BTN3A2: variants seen among roughly 807,000 people sequenced by gnomAD.
The protein encoded by BTN3A2 is butyrophilin protein.
In BTN3A2, 25 loss-of-function variants were observed where a neutral mutation model predicts 37.6. That is an observed-to-expected ratio of 0.66 (90% CI 0.48 to 0.93). The LOEUF (loss-of-function observed/expected upper bound fraction) is 0.93, where lower values mean the gene tolerates loss of function less well. Ranked by LOEUF, BTN3A2 falls within the 40% of genes least tolerant of loss-of-function variation. The pLI is 0.00. For synonymous variants in BTN3A2, 122 were observed against 159.4 expected, an observed-to-expected ratio of 0.77 and a Z score of 1.77; for missense variants, 266 against 410.9, an observed-to-expected ratio of 0.65 and a Z score of 3.05.
Position 26,375,472 on chromosome 6 carries a change from A to C in BTN3A2, c.*35-325A>C, listed in dbSNP as rs1405738551. ...TGGCAGGGAGGAAGCAGGAAATTAA[A>C]CGGTGTGTATCTCCTTTCTTTCTCC... is the stretch of plus-strand genomic sequence containing the variant. On this transcript the variant is annotated intron_variant, in intron 10 of 10. Transcript: ENST00000377708. The C allele has an allele frequency of 1.3e-5, 8 of 604,194 alleles. No homozygotes were observed. In the Admixed American group the frequency reaches 2.2e-4, roughly 17 times the overall value. The allele number at this position is 604,194 out of a possible 1,614,324, so 37.4% of individuals were successfully genotyped here.
At chr6:26,375,592 C>G in intron 10 of BTN3A2, 1 of 1,495,670 alleles carries the variant, frequency 6.7e-7, no homozygotes. Flanking sequence ...GGACAGATTC[C>G]TGGGGTCCAG....
chr6:26,369,382 G>C (rs1203022781), intron 4 of BTN3A2, among the ~76,000 whole-genome samples: 1 of 152,184 alleles, frequency 6.6e-6, no homozygotes, highest in African/African-American at 2.4e-5. Flanking sequence ...CTTACGTGTT[G>C]CAGTGAGGAA....
At chr6:26,373,237 CTT>C (rs750198408) in intron 6 of BTN3A2, 37 bp from the exon 7 acceptor site, 222,097 of 1,249,682 alleles carry the variant, frequency 0.18, 296 homozygotes, top group Non-Finnish European at 0.19. Context: ...AACAGTTCAT[CTT>C]TTTTTTTTTT....
rs200421033 is a variant in BTN3A2, at chr6:26,374,393, T to A, written c.*6+20T>A. 1.0e-4 allele frequency: 167 copies of A among 1,609,910 alleles called. No homozygotes were observed. The highest frequency in any genetic ancestry group is 4.3e-4 in the Admixed American group (26 of 59,996). ...TGCTCTGTAAGTTTGCTGGGTCACA[T>A]GCCCTGAATATTTCAACTTTTTCTC... On this transcript the variant is annotated intron_variant, in intron 9 of 10. Coordinates refer to ENST00000377708, the MANE Select transcript of BTN3A2 (RefSeq NM_007047.5).
intron 4 of BTN3A2, among the ~76,000 whole-genome samples, chr6:26,369,621 A>G (rs919470706): frequency 6.6e-6 from 1 of 152,156 alleles, no homozygotes; most frequent in African/African-American, 2.4e-5. Flanking sequence ...CAAAAGCTGT[A>G]ATTGATGAAG....
At position 26,368,727 on chromosome 6, in the gene BTN3A2, A is replaced by G. The variant is rs757552389; in HGVS notation, c.248A>G (p.Lys83Arg). ...GTGGTGAACGTGTATGCAGATGGAAAGGAAGTGGAAGACAGGCAGAGTGCA... is the reference window on the plus strand; with the variant it reads ...GTGGTGAACGTGTATGCAGATGGAAGGGAAGTGGAAGACAGGCAGAGTGCA... ...RQVVNVYADG[K>R]EVEDRQSAPY... The change falls in exon 4 of 11, where the codon AAG (lysine) becomes AGG (arginine). Residue 83 changes from lysine to arginine, a missense_variant. This residue lies in a region of BTN3A2 where 15 missense variants were observed against 101.0 expected (regional missense o/e 0.15). Transcript: ENST00000377708. 1 of 1,613,848 alleles carries G rather than the reference A, an allele frequency of 6.2e-7. No individual in the cohort carries two copies. The highest frequency in any genetic ancestry group is 8.5e-7 in the Non-Finnish European group (1 of 1,179,872).
In BTN3A2 at chr6:26,368,890, C is replaced by T. The variant is rs184781347; in HGVS notation, c.411C>T (p.Ala137=). The change falls in exon 4 of 11, where the codon GCC becomes GCT. Residue 137 remains alanine (A), a synonymous_variant. Transcript: ENST00000377708. Reference sequence around the variant, plus strand: ...AAGATGGTGACTTCTATGAAAAAGCCCTGGTGGAGCTGAAGGTTGCAGGTG... The same window carrying T: ...AAGATGGTGACTTCTATGAAAAAGCTCTGGTGGAGCTGAAGGTTGCAGGTG... ...YFQDGDFYEK[A]LVELKVAALG... is the part of the protein sequence containing the mutation. The T allele has an allele frequency of 5.8e-6, 9 of 1,562,806 alleles. No individual in the cohort carries two copies. The highest frequency in any genetic ancestry group is 4.6e-5 in the East Asian group (2 of 43,544).
chr6:26,370,297 T>G (rs751533389), intron 4 of BTN3A2, 25 bp from the exon 5 acceptor site: 5 of 1,611,712 alleles, frequency 3.1e-6, no homozygotes, highest in Non-Finnish European at 8.5e-7. Flanking sequence ...CTATCCAGAA[T>G]TTAGGCCAAA....
rs71544679 is a variant in BTN3A2, at chr6:26,376,215, G to GAAAAAAAAAA, written c.*465_*474dup. 9 of 75,404 alleles carry GAAAAAAAAAA rather than the reference G, an allele frequency of 1.2e-4. No homozygotes were observed. The highest frequency in any genetic ancestry group is 4.6e-4 in the East Asian group (1 of 2,192). 4.7% of individuals were successfully genotyped at this position (75,404 alleles called of 1,614,324 possible). On this transcript the variant is annotated 3_prime_UTR_variant, in exon 11 of 11. Coordinates refer to ENST00000377708, the MANE Select transcript of BTN3A2 (RefSeq NM_007047.5). ...GAGACAGAGCGAGACTCTGTCTCAA[G>GAAAAAAAAAA]AAAAAAAAAAAAAAAAAAAAAGAAA...
chr6:26,375,856 T>C lies in BTN3A2; in HGVS notation c.*94T>C, dbSNP rs1760668823. On this transcript the variant is annotated 3_prime_UTR_variant, in exon 11 of 11. Transcript: ENST00000377708. The stretch of plus-strand genomic sequence containing the variant: ...TAAATAAATTGGATGTATGGAAAAA[T>C]AGACTGCAGAAAAGGGGAACTCATT... 6.5e-6 allele frequency: 10 copies of C among 1,548,100 alleles called. No homozygotes were observed. In the South Asian group the frequency reaches 1.2e-4, roughly 18 times the overall value.
chr6:26,365,403 G>C (rs995732166), intron 1 of BTN3A2, 51 bp downstream of exon 1: 6 of 1,533,760 alleles, frequency 3.9e-6, no homozygotes, highest in East Asian at 4.9e-5. Flanking sequence ...TGGGAGGAGC[G>C]GGGCTGAATC....
At chr6:26,373,591 A>G in intron 8 of BTN3A2, 178 bp downstream of exon 8, 4 of 355,840 alleles carry the variant, frequency 1.1e-5, no homozygotes, top group South Asian at 7.3e-5. Flanking sequence ...CTCTCTAGAA[A>G]AAAAAAAAAA....
At position 26,377,220 on chromosome 6, in the gene BTN3A2, C is replaced by T; in HGVS notation, c.*1458C>T. 1 of 1,030,042 alleles carries T rather than the reference C, an allele frequency of 9.7e-7. No individual in the cohort carries two copies. Among genetic ancestry groups the T allele is most frequent in the South Asian group, 1.3e-5 (1 of 78,342 alleles). 63.8% of individuals were successfully genotyped at this position (1,030,042 alleles called of 1,614,324 possible). On this transcript the variant is annotated 3_prime_UTR_variant, in exon 11 of 11. Coordinates refer to ENST00000377708, the MANE Select transcript of BTN3A2 (RefSeq NM_007047.5). ...GGCTGAAGTAACATCTCTGCTTCTC[C>T]CTGCCCAGCCTGGAGCTAAGGGTCT...
At chr6:26,374,201 T>TAAAAAAA (rs34655395) in intron 8 of BTN3A2, 126 bp from the exon 9 acceptor site, 8 of 246,804 alleles carry the variant, frequency 3.2e-5, no homozygotes, top group African/African-American at 3.2e-4. Flanking sequence ...GGTGGGATGG[T>TAAAAAAA]AAAAAAAAAA....
At chr6:26,371,673 T>C (rs72841519) in intron 5 of BTN3A2, among the ~76,000 whole-genome samples, 16,212 of 152,056 alleles carry the variant, frequency 0.11, 936 homozygotes, top group Non-Finnish European at 0.11. Flanking sequence ...CTGTTTTTCG[T>C]TGTGTGTGTG....
Position 26,368,888 on chromosome 6 carries a change from G to GC in BTN3A2, c.412dup (p.Leu138ProfsTer12). 1 of 1,570,904 alleles carries GC rather than the reference G, an allele frequency of 6.4e-7. No individual in the cohort carries two copies. The highest frequency in any genetic ancestry group is 1.1e-5 in the South Asian group (1 of 88,558). On this transcript the variant is annotated frameshift_variant, in exon 4 of 11. Transcript: ENST00000377708. LOFTEE classifies it high-confidence loss of function. ...CCAAGATGGTGACTTCTATGAAAAAGCCCTGGTGGAGCTGAAGGTTGCAGG... is the reference window on the plus strand; with the variant it reads ...CCAAGATGGTGACTTCTATGAAAAAGCCCCTGGTGGAGCTGAAGGTTGCAGG...
Position 26,370,508 on chromosome 6 carries a change from C to T in BTN3A2, c.620C>T (p.Ser207Phe). Residue 207 changes from serine (S) to phenylalanine (F), a missense_variant, in exon 5 of 11, where the codon TCT becomes TTT. By Grantham distance (155) the Ser-to-Phe change is radical (BLOSUM62 -2). Coordinates refer to ENST00000377708, the MANE Select transcript of BTN3A2 (RefSeq NM_007047.5). ...GTGGGCCTATATGAAGTAGCAGCAT[C>T]TGTGATCATGAGAGGCGGCTCCGGG... is the stretch of plus-strand genomic sequence containing the variant. The part of the protein sequence containing the change: ...DGVGLYEVAA[S>F]VIMRGGSGEG... The T allele has an allele frequency of 6.2e-7, 1 of 1,614,202 alleles. No homozygotes were observed. The highest frequency in any genetic ancestry group is 8.5e-7 in the Non-Finnish European group (1 of 1,180,038).
chr6:26,375,073 A>G, intron 10 of BTN3A2: 1 of 360,454 alleles, frequency 2.8e-6, no homozygotes, highest in Non-Finnish European at 5.0e-6. Context: ...TACTGCCTGT[A>G]TCTCCTCAAA....
At chr6:26,366,576 T>A (rs1460139706) in intron 1 of BTN3A2, among the ~76,000 whole-genome samples, 2 of 152,232 alleles carry the variant, frequency 1.3e-5, no homozygotes, top group Non-Finnish European at 2.9e-5. Flanking sequence ...AATTTTTAGC[T>A]TAGCTTAATA....
Sources: allele counts gnomAD v4.1 joint callset (sites outside exome capture counted in the v4.1 genomes callset), GRCh38; gene constraint gnomAD v4.1.1; regional missense constraint gnomAD v4.1.1; transcripts MANE v1.5; gene names NCBI Gene and HGNC (gene_info 2026-07-23, HGNC 2026-07-21).